APP: variants seen among roughly 807,000 people sequenced by gnomAD.
APP encodes the protein amyloid-beta precursor protein.
Under a neutral mutation model 101.4 loss-of-function variants are expected in APP, and 31 were observed. That is an observed-to-expected ratio of 0.31 (90% CI 0.23 to 0.41). The LOEUF (loss-of-function observed/expected upper bound fraction) is 0.41, where lower values mean the gene tolerates loss of function less well. Among genes scored for constraint, APP ranks in the 10% least tolerant of loss-of-function variants. The probability of loss-of-function intolerance (pLI) is 1.00; values close to 1 mark genes in which losing one functional copy is unlikely to be tolerated. For missense variants in APP, 839 were observed against 1,003.7 expected, an observed-to-expected ratio of 0.84 and a Z score of 2.22; for synonymous variants, 366 against 364.4, an observed-to-expected ratio of 1.00 and a Z score of -0.05.
chr21:26,020,367 C>A (rs1248543414), intron 6 of APP, among the ~76,000 whole-genome samples: 3 of 152,038 alleles, frequency 2.0e-5, no homozygotes, highest in African/African-American at 4.8e-5. Context: ...GTGATAGTTG[C>A]ACAGCTTGGC....
At chr21:25,970,980 T>C (rs1048961607) in intron 11 of APP, among the ~76,000 whole-genome samples, 2 of 152,036 alleles carry the variant, frequency 1.3e-5, no homozygotes, top group African/African-American at 4.8e-5. Context: ...CAAGATTGAG[T>C]GAGAAGAACT....
chr21:25,934,152 A>G (rs1205480046), intron 13 of APP: 1 of 152,228 alleles, frequency 6.6e-6, no homozygotes, highest in African/African-American at 2.4e-5. Context: ...AACCAAAGGA[A>G]TATCAAGGGC....
At chr21:26,017,132 G>A (rs570250164) in intron 6 of APP, among the ~76,000 whole-genome samples, 27 of 141,996 alleles carry the variant, frequency 1.9e-4, no homozygotes, top group African/African-American at 6.8e-4. Context: ...CCGGGAGGCC[G>A]AGCTTGCAGT....
intron 1 of APP, among the ~76,000 whole-genome samples, chr21:26,127,941 C>A (rs760167895): frequency 6.6e-6 from 1 of 152,188 alleles, no homozygotes; most frequent in African/African-American, 2.4e-5. Context: ...GATGAATACA[C>A]AGCATTTGAA....
At chr21:26,000,292 T>C in intron 6 of APP, 110 bp from the exon 7 acceptor site, 3 of 1,363,374 alleles carry the variant, frequency 2.2e-6, no homozygotes, top group East Asian at 2.4e-5. Context: ...CCTGGACTGG[T>C]TTATTAGGCA....
chr21:26,028,874 G>A (rs1480194625), intron 5 of APP, among the ~76,000 whole-genome samples: 2 of 152,240 alleles, frequency 1.3e-5, no homozygotes, highest in African/African-American at 4.8e-5. Flanking sequence ...GAAAGGAGAT[G>A]GGGCTAATTG....
At chr21:25,999,148 C>T (rs541091677) in intron 7 of APP, among the ~76,000 whole-genome samples, 84 of 152,112 alleles carry the variant, frequency 5.5e-4, no homozygotes, top group African/African-American at 1.7e-3. Flanking sequence ...AAAAATTAGC[C>T]GGGCGCAGTG....
Position 26,021,472 on chromosome 21 carries a change from C to T in APP, c.865+368G>A, listed in dbSNP as rs45492199. Among the ~76,000 whole-genome samples the T allele has an allele frequency of 2.7e-3, 406 of 152,210 alleles. 2 individuals carry two copies. Among genetic ancestry groups the T allele is most frequent in the African/African-American group, 9.3e-3 (386 of 41,520 alleles). ...AAGTCCTTACCCTCAAGGAGCTCAT[C>T]GTCTAGGTGGTAACAGACAATATTA... On this transcript the variant is annotated intron_variant, in intron 6 of 17. Coordinates refer to ENST00000346798, the MANE Select transcript of APP (RefSeq NM_000484.4).
intron 1 of APP, among the ~76,000 whole-genome samples, chr21:26,115,516 A>T (rs1421114109): frequency 6.6e-6 from 1 of 152,154 alleles, no homozygotes; most frequent in Non-Finnish European, 1.5e-5. Flanking sequence ...GCATCAAATA[A>T]CCCATTTATG....
chr21:25,973,375 A>C (rs2042106183), intron 11 of APP, among the ~76,000 whole-genome samples: 1 of 152,232 alleles, frequency 6.6e-6, no homozygotes. Context: ...TAAGAGTATA[A>C]GGATGGAAAA....
At chr21:25,965,086 G>T (rs1281468443) in intron 11 of APP, among the ~76,000 whole-genome samples, 1 of 152,184 alleles carries the variant, frequency 6.6e-6, no homozygotes, top group Non-Finnish European at 1.5e-5. Context: ...GCACAGAATG[G>T]ATAAAGAGCT....
At chr21:25,899,886 TTTAATA>T (rs1223140574) in intron 15 of APP, among the ~76,000 whole-genome samples, 3 of 152,206 alleles carry the variant, frequency 2.0e-5, no homozygotes, top group Non-Finnish European at 2.9e-5. Flanking sequence ...GTTCATTCTC[TTTAATA>T]TAGACATAAA....
At chr21:26,015,065 T>C (rs1172897849) in intron 6 of APP, among the ~76,000 whole-genome samples, 1 of 152,304 alleles carries the variant, frequency 6.6e-6, no homozygotes, top group East Asian at 1.9e-4. Flanking sequence ...ACAAAAAAAA[T>C]TTAAGCAAGA....
intron 1 of APP, among the ~76,000 whole-genome samples, chr21:26,157,395 G>C (rs935917891): frequency 2.0e-5 from 3 of 152,190 alleles, no homozygotes; most frequent in African/African-American, 7.2e-5. Context: ...AAAACTGCGG[G>C]ATCAAAATGA....
Position 25,900,987 on chromosome 21 carries a change from C to CAAAAAAAAAAAA in APP, c.1964-3326_1964-3315dup, listed in dbSNP as rs71183520. Among the ~76,000 whole-genome samples the CAAAAAAAAAAAA allele has an allele frequency of 1.1e-3, 126 of 118,526 alleles. 2 individuals are homozygous for CAAAAAAAAAAAA. Among genetic ancestry groups the CAAAAAAAAAAAA allele is most frequent in the African/African-American group, 5.0e-3 (106 of 21,248 alleles). The allele number at this position is 118,526 out of a possible 152,430, so 77.8% of individuals were successfully genotyped here. On this transcript the variant is annotated intron_variant, in intron 15 of 17. Transcript: ENST00000346798. ...TGGGCGACAGAGTGAGACTCCATCT[C>CAAAAAAAAAAAA]AAAAAAAAAAAAAAAAAGAATGAGC... is the stretch of plus-strand genomic sequence containing the variant.
chr21:26,055,095 C>G (rs1323488962), intron 3 of APP, among the ~76,000 whole-genome samples: 2 of 152,006 alleles, frequency 1.3e-5, no homozygotes, highest in Admixed American at 1.3e-4. Flanking sequence ...ATCAATGATG[C>G]CCATAGCAGT....
chr21:26,095,428 A>G (rs1002199413), intron 2 of APP, among the ~76,000 whole-genome samples: 30 of 152,224 alleles, frequency 2.0e-4, no homozygotes, highest in Non-Finnish European at 3.7e-4. Flanking sequence ...GCTTGTGTTC[A>G]AGTAACTCTT....
chr21:25,969,956 AGGAG>A lies in APP; in HGVS notation c.1458+5110_1458+5113del, dbSNP rs1270283360. ...GGAAAGGAAAGGAAGGGAAGAAGGAAGGAGGGAGGGAGGGAAGGAAGGAAGGCAG... is the reference window on the plus strand; with the variant it reads ...GGAAAGGAAAGGAAGGGAAGAAGGAAGGAGGGAGGGAAGGAAGGAAGGCAG... On this transcript the variant is annotated intron_variant, in intron 11 of 17. Coordinates refer to ENST00000346798, the MANE Select transcript of APP (RefSeq NM_000484.4). Among the ~76,000 whole-genome samples the A allele has an allele frequency of 3.5e-4, 13 of 37,462 alleles. 1 individual carries two copies. The highest frequency in any genetic ancestry group is 2.0e-3 in the South Asian group (2 of 996). 24.6% of individuals were successfully genotyped at this position (37,462 alleles called of 152,430 possible).
intron 17 of APP, among the ~76,000 whole-genome samples, chr21:25,883,666 C>T (rs1449546675): frequency 6.6e-6 from 1 of 152,214 alleles, no homozygotes; most frequent in African/African-American, 2.4e-5. Context: ...GCACTCCGGC[C>T]TGGGCAACAG....
Sources: gnomAD v4.1 joint callset for allele counts (sites outside exome capture counted in the v4.1 genomes callset) on GRCh38, gnomAD v4.1.1 for gene constraint, MANE v1.5 for transcripts, NCBI Gene and HGNC (gene_info 2026-07-23, HGNC 2026-07-21) for gene names.